The following THSD7B variants were observed in gnomAD, a reference collection of about 807,000 sequenced individuals.
THSD7B encodes the protein thrombospondin type-1 domain-containing protein 7B.
In THSD7B, 138 loss-of-function variants were observed where a neutral mutation model predicts 213.6. The observed-to-expected ratio is 0.65, with a 90% confidence interval of 0.56 to 0.74. The LOEUF is 0.74. THSD7B is among the 30% of genes least tolerant of loss of function. The pLI is 0.00. For synonymous variants in THSD7B, 742 were observed against 687.0 expected (o/e 1.08, Z -1.25); for missense variants, 1,931 against 1,991.5 (o/e 0.97, Z 0.58).
At chr2:137,580,385 A>G (rs1465737688) in intron 17 of THSD7B, among the ~76,000 whole-genome samples, 1 of 152,144 alleles carries the variant, frequency 6.6e-6, no homozygotes, top group Non-Finnish European at 1.5e-5. Context: ...TTGGTATTAC[A>G]GGAATATCTT....
intron 12 of THSD7B, among the ~76,000 whole-genome samples, chr2:137,343,487 T>C (rs1281561135): frequency 6.6e-6 from 1 of 151,792 alleles, no homozygotes; most frequent in East Asian, 1.9e-4. Flanking sequence ...GAGAGGATAA[T>C]TGTTTCAGTA....
At chr2:137,451,061 G>T (rs1453302) in intron 15 of THSD7B, 38 bp downstream of exon 15, 1,016,362 of 1,479,624 alleles carry the variant, frequency 0.69, 350,508 homozygotes, top group East Asian at 0.86. Flanking sequence ...AGCTAAAAAA[G>T]CTATCCTCAT....
At chr2:137,268,344 C>T (rs11895346) in intron 10 of THSD7B, among the ~76,000 whole-genome samples, 4,808 of 151,150 alleles carry the variant, frequency 0.032, 80 homozygotes, top group East Asian at 0.05. Flanking sequence ...TGATGTTCCC[C>T]GCCCTACGTC....
intron 15 of THSD7B, among the ~76,000 whole-genome samples, chr2:137,475,911 C>G (rs960380214): frequency 6.6e-6 from 1 of 152,006 alleles, no homozygotes; most frequent in African/African-American, 2.4e-5. Context: ...TCCATAGTTG[C>G]TTTTAAATTA....
At chr2:136,885,566 T>G (rs901043724) in intron 2 of THSD7B, among the ~76,000 whole-genome samples, 1 of 152,300 alleles carries the variant, frequency 6.6e-6, no homozygotes, top group South Asian at 2.1e-4. Flanking sequence ...CAATGTTGTT[T>G]GCGGTTTTAA....
At chr2:136,795,983 A>G (rs969113002) in intron 1 of THSD7B, among the ~76,000 whole-genome samples, 8 of 151,784 alleles carry the variant, frequency 5.3e-5, no homozygotes, top group African/African-American at 1.9e-4. Context: ...TATCAGCCTC[A>G]TTTGCATATT....
At chr2:137,448,836 C>CAACAACAAAAAA (rs765115799) in intron 14 of THSD7B, among the ~76,000 whole-genome samples, 2 of 147,478 alleles carry the variant, frequency 1.4e-5, no homozygotes, top group Admixed American at 6.7e-5. Context: ...ACAACAACAA[C>CAACAACAAAAAA]AAAAACTACC....
At chr2:137,188,254 T>C (rs561208984) in intron 7 of THSD7B, among the ~76,000 whole-genome samples, 1 of 152,304 alleles carries the variant, frequency 6.6e-6, no homozygotes, top group Non-Finnish European at 1.5e-5. Context: ...CCAATCACCT[T>C]GCAGCCTGCC....
At chr2:137,007,854 T>A (rs982617200) in intron 2 of THSD7B, among the ~76,000 whole-genome samples, 2 of 152,180 alleles carry the variant, frequency 1.3e-5, no homozygotes, top group African/African-American at 4.8e-5. Flanking sequence ...AATACCACTT[T>A]AATTCCAGGT....
intron 1 of THSD7B, among the ~76,000 whole-genome samples, chr2:136,868,248 C>T (rs1258771622): frequency 6.6e-6 from 1 of 152,092 alleles, no homozygotes; most frequent in African/African-American, 2.4e-5. Flanking sequence ...TTTAAAAATG[C>T]CTTTTGCATT....
chr2:136,843,458 A>G (rs1682950264), intron 1 of THSD7B, among the ~76,000 whole-genome samples: 1 of 152,338 alleles, frequency 6.6e-6, no homozygotes, highest in Non-Finnish European at 1.5e-5. Context: ...GGAAGCCATT[A>G]AAATGGAGAA....
chr2:137,013,308 A>G (rs1004576220), intron 2 of THSD7B, among the ~76,000 whole-genome samples: 2 of 152,192 alleles, frequency 1.3e-5, no homozygotes, highest in Non-Finnish European at 2.9e-5. Context: ...TGAGAGATGT[A>G]ATGAGGTGAG....
intron 15 of THSD7B, among the ~76,000 whole-genome samples, chr2:137,470,082 G>A (rs1688064151): frequency 6.6e-6 from 1 of 152,158 alleles, no homozygotes; most frequent in Non-Finnish European, 1.5e-5. Context: ...TTATGGAAAA[G>A]CTATAAAAGA....
At chr2:137,278,831 C>T (rs1012966544) in intron 12 of THSD7B, among the ~76,000 whole-genome samples, 6 of 152,002 alleles carry the variant, frequency 3.9e-5, no homozygotes, top group African/African-American at 9.7e-5. Context: ...TTCATAGAAA[C>T]GTTTGCAAAT....
At chr2:137,498,124 G>C (rs1432088402) in intron 15 of THSD7B, among the ~76,000 whole-genome samples, 2 of 152,046 alleles carry the variant, frequency 1.3e-5, no homozygotes, top group Non-Finnish European at 2.9e-5. Flanking sequence ...TAATAAATTT[G>C]GTGATTTCTA....
chr2:137,213,030 TAAAA>T (rs59100734), intron 7 of THSD7B, among the ~76,000 whole-genome samples: 1 of 126,780 alleles, frequency 7.9e-6, no homozygotes, highest in African/African-American at 2.9e-5. Flanking sequence ...ATCTGTATGC[TAAAA>T]AAAAAAAAAA....
chr2:136,997,968 G>A (rs1183072470), intron 2 of THSD7B, among the ~76,000 whole-genome samples: 3 of 152,020 alleles, frequency 2.0e-5, no homozygotes, highest in Non-Finnish European at 1.5e-5. Context: ...AGCAAGGGAA[G>A]GTAACCTGGC....
At chr2:136,887,511 T>TAGTG (rs1224329648) in intron 2 of THSD7B, among the ~76,000 whole-genome samples, 4 of 152,116 alleles carry the variant, frequency 2.6e-5, no homozygotes, top group Admixed American at 1.3e-4. Flanking sequence ...ATCCTGGCAG[T>TAGTG]AGTGAGTGAG....
chr2:137,672,299 T>A (rs891005369), intron 27 of THSD7B, among the ~76,000 whole-genome samples: 3 of 152,188 alleles, frequency 2.0e-5, no homozygotes, highest in Non-Finnish European at 4.4e-5. Context: ...ATTATATAAC[T>A]TTTCTGAGGT....
Sources: allele counts gnomAD v4.1 joint callset (sites outside exome capture counted in the v4.1 genomes callset), GRCh38; gene constraint gnomAD v4.1.1; transcripts MANE v1.5; gene names NCBI Gene and HGNC (gene_info 2026-07-23, HGNC 2026-07-21).